Variants in SIGLEC15 observed in about 807,000 individuals in gnomAD.
SIGLEC15 encodes the protein sialic acid binding Ig like lectin 15.
SIGLEC15 carries 31 observed loss-of-function variants against 26.2 expected under a neutral mutation model. The ratio of observed to expected loss-of-function variants is 1.18; its 90% CI spans 0.89 to 1.60. The LOEUF (loss-of-function observed/expected upper bound fraction) is 1.60. SIGLEC15 is among the 40% of genes most tolerant of loss of function. The pLI is 0.00. For missense variants in SIGLEC15, 501 were observed against 488.4 expected, an observed-to-expected ratio of 1.03 and a Z score of -0.24; for synonymous variants, 207 against 221.9, an observed-to-expected ratio of 0.93 and a Z score of 0.60.
intron 2 of SIGLEC15, 99 bp from the exon 3 acceptor site, chr18:45,837,414 G>A: frequency 7.2e-7 from 1 of 1,379,730 alleles, no homozygotes; most frequent in Non-Finnish European, 9.4e-7. Context: ...CAGGCTAGGG[G>A]TTGGGGGAGC....
intron 1 of SIGLEC15, among the ~76,000 whole-genome samples, chr18:45,836,413 G>A (rs1263801280): frequency 7.1e-6 from 1 of 140,810 alleles, no homozygotes; most frequent in South Asian, 2.1e-4. Flanking sequence ...CTGGGGCACC[G>A]GCTGGGCAGG....
intron 3 of SIGLEC15, chr18:45,838,388 C>A: frequency 2.2e-6 from 1 of 446,020 alleles, no homozygotes; most frequent in Non-Finnish European, 4.0e-6. Flanking sequence ...TCCACTCTAG[C>A]CCCCACCCTG....
chr18:45,837,920 C>G, intron 3 of SIGLEC15, 24 bp downstream of exon 3: 1 of 1,467,140 alleles, frequency 6.8e-7, no homozygotes, highest in Non-Finnish European at 8.9e-7. Context: ...GGAGCGGGTC[C>G]CCGGCCTCCC....
rs2048280891 is a variant in SIGLEC15, at chr18:45,837,012, ACTGTGTTTAT to A, written c.53-12_53-3del. 1.6e-6 allele frequency: 2 copies of A among 1,260,070 alleles called. No homozygotes were observed. Among genetic ancestry groups the A allele is most frequent in the Non-Finnish European group, 1.2e-6 (1 of 857,486 alleles). The allele number at this position is 1,260,070 out of a possible 1,614,324, so 78.1% of individuals were successfully genotyped here. A position where few individuals can be genotyped will look rare whatever the true frequency, so the allele number is the denominator to read the frequency against. On this transcript the variant is annotated splice_polypyrimidine_tract_variant and splice_region_variant and intron_variant, in intron 1 of 5. Transcript: ENST00000389474. ...TTTATTCACGTGTAACCCGGGGTTA[ACTGTGTTTAT>A]CTGTAGGCTCATTTGTGAGAACTAA... is the stretch of plus-strand genomic sequence containing the variant.
rs1379173776 is a variant in SIGLEC15, at chr18:45,842,958, CT to C, written c.*774del. On this transcript the variant is annotated 3_prime_UTR_variant, in exon 6 of 6. Coordinates refer to ENST00000389474, the MANE Select transcript of SIGLEC15 (RefSeq NM_213602.3). The stretch of plus-strand genomic sequence containing the variant: ...TTGGTGGCAGGGAGAGGCCTGGGGC[CT>C]TTACCCCATGCCCCCTGGGATCTCC... The C allele has an allele frequency of 6.6e-6, 1 of 152,402 alleles. No individual in the cohort carries two copies. Among genetic ancestry groups the C allele is most frequent in the East Asian group, 1.9e-4 (1 of 5,186 alleles). The allele number at this position is 152,402 out of a possible 1,614,324, so 9.4% of individuals were successfully genotyped here. A position where few individuals can be genotyped will look rare whatever the true frequency, so the allele number is the denominator to read the frequency against.
At position 45,837,868 on chromosome 18, in the gene SIGLEC15, C is replaced by CCGCCA. The variant is rs746611698; in HGVS notation, c.471_475dup (p.Gly159AlafsTer8). On this transcript the variant is annotated frameshift_variant, in exon 3 of 6. Transcript: ENST00000389474. LOFTEE classifies it high-confidence loss of function. Reference sequence around the variant, plus strand: ...GCGACGTCCATGACCGCTACGAGAGCCGCCACGGCGTCCGGCTGCACGTGA... The same window carrying CCGCCA: ...GCGACGTCCATGACCGCTACGAGAGCCGCCACGCCACGGCGTCCGGCTGCACGTGA... 2.0e-6 allele frequency: 3 copies of CCGCCA among 1,533,184 alleles called. No individual in the cohort carries two copies. In the East Asian group the frequency reaches 7.9e-5, roughly 40 times the overall value. The allele number at this position is 1,533,184 out of a possible 1,614,324, so 95.0% of individuals were successfully genotyped here.
chr18:45,828,389 A>T (rs476024), intron 1 of SIGLEC15, among the ~76,000 whole-genome samples: 74,855 of 151,860 alleles, frequency 0.49, 18,589 homozygotes, highest in East Asian at 0.55. Flanking sequence ...ATAGCCTCCC[A>T]GGTCCTCCTC....
In SIGLEC15 at chr18:45,837,633, C is replaced by A. The variant is rs1185213289; in HGVS notation, c.233C>A (p.Thr78Lys). Residue 78 changes from threonine to lysine, a missense_variant, in exon 3 of 6, where the codon ACG becomes AAG. Transcript: ENST00000389474. ...HPHRHYDGPL[T>K]AIWRAGEPYA... ...CACCGCCACTACGACGGGCCGCTGA[C>A]GGCCATCTGGCGCGCGGGCGAGCCC... 36 of 1,507,764 alleles carry A rather than the reference C, an allele frequency of 2.4e-5. No homozygotes were observed. The highest frequency in any genetic ancestry group is 3.2e-5 in the Non-Finnish European group (36 of 1,135,918). The allele number at this position is 1,507,764 out of a possible 1,614,324, so 93.4% of individuals were successfully genotyped here. A position where few individuals can be genotyped will look rare whatever the true frequency, so the allele number is the denominator to read the frequency against.
chr18:45,829,126 G>A, intron 1 of SIGLEC15: 1 of 985,604 alleles, frequency 1.0e-6, no homozygotes, highest in South Asian at 4.7e-5. Context: ...AGCACTCTGG[G>A]GTGGGCACAG....
intron 1 of SIGLEC15, among the ~76,000 whole-genome samples, chr18:45,829,549 G>C (rs534835913): frequency 6.6e-6 from 1 of 152,258 alleles, no homozygotes; most frequent in African/African-American, 2.4e-5. Flanking sequence ...ACAGCCAATG[G>C]GAGTGTCTCT....
rs899214884 is a variant in SIGLEC15 at position 45,831,085 on chromosome 18, G to A, written c.52+5305G>A. 4.6e-5 allele frequency among the ~76,000 whole-genome samples: 7 copies of A among 152,260 alleles called. No homozygotes were observed. In the South Asian group the frequency reaches 1.5e-3, roughly 32 times the overall value. ...CCAATGTCCCAAAGTCAGCATCAGA[G>A]CTAGGGCTGGAGCCCCGGACAGACC... is the stretch of plus-strand genomic sequence containing the variant. On this transcript the variant is annotated intron_variant, in intron 1 of 5. Transcript: ENST00000389474.
At chr18:45,838,052 GT>G (rs891110953) in intron 3 of SIGLEC15, among the ~76,000 whole-genome samples, 156 bp downstream of exon 3, 44 of 152,324 alleles carry the variant, frequency 2.9e-4, no homozygotes, top group African/African-American at 1.0e-3. Flanking sequence ...CCTGGGGGTA[GT>G]TTAGGACCAC....
intron 4 of SIGLEC15, 135 bp downstream of exon 4, chr18:45,839,230 T>A: frequency 8.2e-7 from 1 of 1,212,580 alleles, no homozygotes; most frequent in Non-Finnish European, 1.1e-6. Context: ...GGCGCTTTCC[T>A]CTCTTTGCAT....
At chr18:45,827,593 G>A (rs1179384444) in intron 1 of SIGLEC15, among the ~76,000 whole-genome samples, 1 of 152,234 alleles carries the variant, frequency 6.6e-6, no homozygotes, top group Non-Finnish European at 1.5e-5. Context: ...CCTTGGGCAG[G>A]CTGTCTACCT....
chr18:45,831,993 A>G (rs890908734), intron 1 of SIGLEC15, among the ~76,000 whole-genome samples: 4 of 152,236 alleles, frequency 2.6e-5, no homozygotes, highest in Non-Finnish European at 5.9e-5. Context: ...CGGCCTCCCA[A>G]AGTGCTGGGA....
At chr18:45,838,662 C>A in intron 3 of SIGLEC15, 56 bp from the exon 4 acceptor site, 1 of 1,469,602 alleles carries the variant, frequency 6.8e-7, no homozygotes, top group South Asian at 1.4e-5. Flanking sequence ...CTCTGGCGTC[C>A]AAAGGGCTAA....
intron 1 of SIGLEC15, 68 bp downstream of exon 1, chr18:45,825,848 A>C: frequency 6.3e-7 from 1 of 1,584,860 alleles, no homozygotes; most frequent in Non-Finnish European, 8.7e-7. Flanking sequence ...TCTTAGGTAC[A>C]GTCTCCCCTG....
Position 45,837,568 on chromosome 18 carries a change from A to C in SIGLEC15, c.168A>C (p.Ala56=). The C allele has an allele frequency of 2.0e-6, 3 of 1,516,150 alleles. No homozygotes were observed. Among genetic ancestry groups the C allele is most frequent in the Non-Finnish European group, 2.6e-6 (3 of 1,139,494 alleles). The allele number at this position is 1,516,150 out of a possible 1,614,324, so 93.9% of individuals were successfully genotyped here. Residue 56 remains alanine, a synonymous_variant, in exon 3 of 6, where the codon GCA becomes GCC. Transcript: ENST00000389474. ...TGCCACCCGAGGTGAGCGCGGAGGC[A>C]GGCGACGCGGCAGTGCTGCCCTGCA... ...MQVPPEVSAE[A]GDAAVLPCTF... is the part of the protein sequence containing the mutation.
intron 1 of SIGLEC15, among the ~76,000 whole-genome samples, chr18:45,827,754 C>T (rs775609657): frequency 2.0e-5 from 3 of 152,292 alleles, no homozygotes; most frequent in South Asian, 2.1e-4. Context: ...AAAGTCACAG[C>T]GTTTCAAGAG....
Sources: allele counts gnomAD v4.1 joint callset (sites outside exome capture counted in the v4.1 genomes callset), GRCh38; gene constraint gnomAD v4.1.1; transcripts MANE v1.5; gene names NCBI Gene and HGNC (gene_info 2026-07-23, HGNC 2026-07-21).